The following CEACAM20 variants were observed in gnomAD, a reference collection of about 807,000 sequenced individuals.
The protein encoded by CEACAM20 is CEA cell adhesion molecule 20.
Under a neutral mutation model 61.2 loss-of-function variants are expected in CEACAM20, and 50 were observed. The observed-to-expected ratio is 0.82, with a 90% confidence interval of 0.65 to 1.03. CEACAM20 has a LOEUF of 1.03. CEACAM20 is among the 50% of genes least tolerant of loss of function. The pLI is 0.00. For missense variants in CEACAM20, 683 were observed against 736.4 expected, an observed-to-expected ratio of 0.93 and a Z score of 0.84; for synonymous variants, 282 against 287.7, an observed-to-expected ratio of 0.98 and a Z score of 0.20.
At chr19:44,525,474 GCT>G (rs1158730211) in intron 1 of CEACAM20, among the ~76,000 whole-genome samples, 6 of 151,960 alleles carry the variant, frequency 3.9e-5, no homozygotes, top group Non-Finnish European at 8.8e-5. Flanking sequence ...GCAGAGTCTG[GCT>G]CTGTCACCCA....
At chr19:44,516,754 C>T (rs1971166914) in intron 6 of CEACAM20, among the ~76,000 whole-genome samples, 192 bp downstream of exon 6, 2 of 152,198 alleles carry the variant, frequency 1.3e-5, no homozygotes, top group African/African-American at 4.8e-5. Flanking sequence ...CCAGGGAACA[C>T]AGCAGGAAGT....
chr19:44,513,131 A>ACATCCC lies in CEACAM20; in HGVS notation c.1427+35_1427+40dup, dbSNP rs748812159. ...GCCCGGCAAGCGCCCCCTGCTGGCC[A>ACATCCC]CATCCCCATCCCCATCCCCCTCCCT... On this transcript the variant is annotated intron_variant, in intron 7 of 11. Coordinates refer to ENST00000614924, the MANE Select transcript of CEACAM20 (RefSeq NM_001102597.3). The ACATCCC allele has an allele frequency of 5.1e-5, 78 of 1,518,200 alleles. No homozygotes were observed. The Admixed American group carries it at 9.3e-4, about 18-fold the overall frequency. 94.0% of individuals were successfully genotyped at this position (1,518,200 alleles called of 1,614,324 possible).
chr19:44,528,531 G>C (rs546362062), intron 1 of CEACAM20, among the ~76,000 whole-genome samples: 2 of 152,074 alleles, frequency 1.3e-5, no homozygotes, highest in African/African-American at 4.8e-5. Flanking sequence ...GGCCCCACTG[G>C]TATCATTTCT....
intron 11 of CEACAM20, among the ~76,000 whole-genome samples, chr19:44,508,476 G>A (rs1305411781): frequency 4.6e-5 from 7 of 152,066 alleles, no homozygotes; most frequent in African/African-American, 1.7e-4. Context: ...TGCAACCTCC[G>A]CCTCCCAGGT....
chr19:44,513,310 A>C, intron 6 of CEACAM20, 21 bp from the exon 7 acceptor site: 1 of 1,554,456 alleles, frequency 6.4e-7, no homozygotes, highest in Non-Finnish European at 8.9e-7. Flanking sequence ...AGACAGAATC[A>C]AGACCCAGGC....
At chr19:44,524,627 T>A (rs1238550718) in intron 2 of CEACAM20, among the ~76,000 whole-genome samples, 1 of 151,968 alleles carries the variant, frequency 6.6e-6, no homozygotes, top group Non-Finnish European at 1.5e-5. Flanking sequence ...TCACCCAGGC[T>A]GGAGTGCAGT....
intron 10 of CEACAM20, 85 bp from the exon 11 acceptor site, chr19:44,511,240 G>C (rs1970990663): frequency 6.5e-7 from 1 of 1,530,570 alleles, no homozygotes; most frequent in African/African-American, 1.4e-5. Context: ...GGGACCGAGA[G>C]AGTGGAAGGA....
At chr19:44,528,353 G>A (rs190518175) in intron 1 of CEACAM20, among the ~76,000 whole-genome samples, 137 of 151,800 alleles carry the variant, frequency 9.0e-4, no homozygotes, top group East Asian at 3.1e-3. Context: ...TCAGCCTCCC[G>A]AGTAGCTGGG....
chr19:44,524,321 A>T lies in CEACAM20; in HGVS notation c.197-60T>A, dbSNP rs537010709. The T allele has an allele frequency of 5.8e-6, 9 of 1,542,146 alleles. No individual in the cohort carries two copies. In the South Asian group the frequency reaches 1.1e-4, roughly 19 times the overall value. On this transcript the variant is annotated intron_variant, in intron 2 of 11. Coordinates refer to ENST00000614924, the MANE Select transcript of CEACAM20 (RefSeq NM_001102597.3). ...CAGGTAGAGGAAGAACAAACAAGAC[A>T]TAGTCACAGAGGGACCCAGAGAAAC... is the stretch of plus-strand genomic sequence containing the variant.
rs1160443314 is a variant in CEACAM20 at position 44,520,574 on chromosome 19, G to C, written c.930C>G (p.Ile310Met). The C allele has an allele frequency of 6.2e-7, 1 of 1,614,052 alleles. No homozygotes were observed. The highest frequency in any genetic ancestry group is 1.7e-5 in the Admixed American group (1 of 60,024). Residue 310 changes from isoleucine to methionine, a missense_variant, in exon 5 of 12, where the codon ATC becomes ATG. Physicochemically the swap from Ile to Met is conservative, Grantham distance 10. Transcript: ENST00000614924. The stretch of plus-strand genomic sequence containing the variant: ...TGTCATTCCGCTGGAGGCCATGGAT[G>C]ATTAGGGTCCTGTTGTCAGCTGACA... ...LQLSADNRTLIIHGLQRNDTG... is the reference protein window; with the variant it reads ...LQLSADNRTLMIHGLQRNDTG...
At chr19:44,529,395 CCGCT>C (rs1971645889) in intron 1 of CEACAM20, 59 bp downstream of exon 1, 7 of 1,222,730 alleles carry the variant, frequency 5.7e-6, no homozygotes, top group Middle Eastern at 2.0e-4. Context: ...CACACACACA[CCGCT>C]GACAAATAGA....
At chr19:44,510,601 AAAGAAAGAAAAAGGAAGG>A (rs1970959216) in intron 11 of CEACAM20, among the ~76,000 whole-genome samples, 1 of 76,056 alleles carries the variant, frequency 1.3e-5, no homozygotes, top group Admixed American at 1.4e-4. Context: ...AGAAAGAAAG[AAAGAAAGAAAAAGGAAGG>A]AAGGAAGAAA....
intron 6 of CEACAM20, 62 bp from the exon 7 acceptor site, chr19:44,513,351 G>C: frequency 8.9e-7 from 1 of 1,119,630 alleles, no homozygotes. Flanking sequence ...CTCCCAGCCC[G>C]TTCCCAAGCT....
intron 5 of CEACAM20, among the ~76,000 whole-genome samples, chr19:44,518,766 C>T (rs1026688096): frequency 6.6e-6 from 1 of 151,992 alleles, no homozygotes; most frequent in African/African-American, 2.4e-5. Flanking sequence ...CACTTGGATC[C>T]TTCACCTGCA....
intron 5 of CEACAM20, among the ~76,000 whole-genome samples, chr19:44,518,173 AGCAGGCAG>A (rs552025790): frequency 1.4e-4 from 20 of 138,920 alleles, no homozygotes; most frequent in Admixed American, 3.6e-4. Flanking sequence ...GAAGGAAGAA[AGCAGGCAG>A]GCAGGCAGGC....
At chr19:44,529,398 C>T (rs917271092) in intron 1 of CEACAM20, 60 bp downstream of exon 1, 37 of 1,407,604 alleles carry the variant, frequency 2.6e-5, no homozygotes, top group Non-Finnish European at 3.5e-5. Flanking sequence ...ACACACACCG[C>T]TGACAAATAG....
intron 3 of CEACAM20, among the ~76,000 whole-genome samples, chr19:44,523,538 A>G (rs1568457637): frequency 6.6e-6 from 1 of 151,782 alleles, no homozygotes; most frequent in Non-Finnish European, 1.5e-5. Context: ...ATTTTAGTTG[A>G]GCTTCACATT....
At chr19:44,517,706 A>G (rs550962550) in intron 5 of CEACAM20, among the ~76,000 whole-genome samples, 14 of 151,604 alleles carry the variant, frequency 9.2e-5, no homozygotes, top group South Asian at 6.2e-4. Context: ...CAAAAAAAAA[A>G]AAAAAAGAAA....
rs569535546 is a variant in CEACAM20, at chr19:44,516,653, C to CTT, written c.1309+291_1309+292dup. On this transcript the variant is annotated intron_variant, in intron 6 of 11. Coordinates refer to ENST00000614924, the MANE Select transcript of CEACAM20 (RefSeq NM_001102597.3). ...ATAAATTACCCAGTCTTCAGCATGT[C>CTT]TTTATCAGCAGCATGAAAATGGACT... is the stretch of plus-strand genomic sequence containing the variant. 3.1e-4 allele frequency among the ~76,000 whole-genome samples: 47 copies of CTT among 152,328 alleles called. 1 individual carries two copies. In the East Asian group the frequency reaches 8.9e-3, roughly 29 times the overall value.
Sources: gnomAD v4.1 joint callset for allele counts (sites outside exome capture counted in the v4.1 genomes callset) on GRCh38, gnomAD v4.1.1 for gene constraint, MANE v1.5 for transcripts, NCBI Gene and HGNC (gene_info 2026-07-23, HGNC 2026-07-21) for gene names.